PTPRN2: variants seen among roughly 807,000 people sequenced by gnomAD.
PTPRN2 encodes receptor-type tyrosine-protein phosphatase N2.
PTPRN2 carries 74 observed loss-of-function variants against 118.8 expected under a neutral mutation model. The observed-to-expected ratio is 0.62, with a 90% CI of 0.52 to 0.76. The LOEUF is 0.76. PTPRN2 is among the 30% of genes least tolerant of loss of function. PTPRN2 has a pLI of 0.00. For synonymous variants in PTPRN2, 641 were observed against 608.0 expected (o/e 1.05, Z -0.80); for missense variants, 1,481 against 1,394.4 (o/e 1.06, Z -0.99).
chr7:158,208,240 A>T (rs920389524), intron 3 of PTPRN2, among the ~76,000 whole-genome samples: 1 of 152,210 alleles, frequency 6.6e-6, no homozygotes, highest in Non-Finnish European at 1.5e-5. Flanking sequence ...AGTTGAAAGG[A>T]TAATAATGAG....
chr7:157,771,266 A>G (rs979516861), intron 12 of PTPRN2, among the ~76,000 whole-genome samples: 1 of 152,250 alleles, frequency 6.6e-6, no homozygotes, highest in Non-Finnish European at 1.5e-5. Context: ...TGGAGCAGAA[A>G]CAAGACTTCC....
chr7:158,002,991 G>A (rs891964469), intron 11 of PTPRN2, among the ~76,000 whole-genome samples: 2 of 152,196 alleles, frequency 1.3e-5, no homozygotes, highest in Non-Finnish European at 2.9e-5. Context: ...GGATCCAGGG[G>A]AGGAGGAAAG....
intron 1 of PTPRN2, among the ~76,000 whole-genome samples, chr7:158,559,144 C>T (rs553031462): frequency 1.3e-5 from 2 of 152,284 alleles, no homozygotes; most frequent in Admixed American, 1.3e-4. Context: ...GGAGGAGATT[C>T]TTCTCTCATG....
chr7:157,756,976 G>A (rs1801818749), intron 12 of PTPRN2, among the ~76,000 whole-genome samples: 1 of 152,272 alleles, frequency 6.6e-6, no homozygotes. Flanking sequence ...GCAGGGCCAC[G>A]CGTGAGGGAC....
chr7:158,501,595 G>A (rs1251596827), intron 1 of PTPRN2, among the ~76,000 whole-genome samples: 1 of 152,176 alleles, frequency 6.6e-6, no homozygotes, highest in Non-Finnish European at 1.5e-5. Flanking sequence ...GTCGCAGGGG[G>A]GGACCTCCTG....
At chr7:158,363,337 G>T (rs1197762647) in intron 2 of PTPRN2, among the ~76,000 whole-genome samples, 13 of 152,144 alleles carry the variant, frequency 8.5e-5, no homozygotes. Context: ...AGGATGCTCG[G>T]TTGCTTGGGG....
rs963220008 is a variant in PTPRN2, at chr7:158,406,896, A to C, written c.163+82839T>G. On this transcript the variant is annotated intron_variant, in intron 2 of 22. Transcript: ENST00000389418. Reference sequence around the variant, plus strand: ...GCAGGCACTCCAGGCAAATTGCTTTATCTCTCAACATGGAATCAGGAAAAT... The same window carrying C: ...GCAGGCACTCCAGGCAAATTGCTTTCTCTCTCAACATGGAATCAGGAAAAT... Among the ~76,000 whole-genome samples, 2 of 152,208 alleles carry C rather than the reference A, an allele frequency of 1.3e-5. 1 individual carries two copies. Among genetic ancestry groups the C allele is most frequent in the South Asian group, 4.1e-4 (2 of 4,834 alleles).
At chr7:158,318,416 G>A (rs1432942476) in intron 2 of PTPRN2, among the ~76,000 whole-genome samples, 2 of 152,186 alleles carry the variant, frequency 1.3e-5, no homozygotes, top group East Asian at 1.9e-4. Flanking sequence ...CCCAGCTCCC[G>A]TGCTCACAAT....
At chr7:157,776,004 G>T (rs1803190207) in intron 12 of PTPRN2, among the ~76,000 whole-genome samples, 1 of 151,922 alleles carries the variant, frequency 6.6e-6, no homozygotes, top group African/African-American at 2.4e-5. Context: ...AGCCAGCTGT[G>T]TACTCGGAGG....
At chr7:158,083,284 C>T (rs1418274516) in intron 10 of PTPRN2, among the ~76,000 whole-genome samples, 2 of 152,174 alleles carry the variant, frequency 1.3e-5, no homozygotes, top group Admixed American at 6.5e-5. Flanking sequence ...ACCGGTTCAA[C>T]ATTTTGGTTG....
intron 12 of PTPRN2, among the ~76,000 whole-genome samples, chr7:157,824,333 G>A (rs536961820): frequency 2.6e-5 from 4 of 152,236 alleles, no homozygotes; most frequent in Admixed American, 2.6e-4. Flanking sequence ...AGAACCACAA[G>A]AGGGCCTTCC....
chr7:158,409,489 T>C (rs1012414130), intron 2 of PTPRN2, among the ~76,000 whole-genome samples: 14 of 152,028 alleles, frequency 9.2e-5, no homozygotes, highest in Admixed American at 3.3e-4. Flanking sequence ...TGCTAACAGA[T>C]AGAGTCAGGT....
At chr7:158,186,519 C>T (rs1055377573) in intron 5 of PTPRN2, among the ~76,000 whole-genome samples, 6 of 152,214 alleles carry the variant, frequency 3.9e-5, no homozygotes, top group African/African-American at 1.4e-4. Flanking sequence ...CCTACCCCCT[C>T]TGGCATGAGT....
At chr7:158,109,735 G>C (rs568211264) in intron 10 of PTPRN2, among the ~76,000 whole-genome samples, 1 of 152,158 alleles carries the variant, frequency 6.6e-6, no homozygotes, top group African/African-American at 2.4e-5. Flanking sequence ...TGTGTGATGA[G>C]TCACTGAGTG....
rs554404939 is a variant in PTPRN2 at position 157,983,889 on chromosome 7, G to C, written c.1724-85152C>G. 2.6e-5 allele frequency among the ~76,000 whole-genome samples: 4 copies of C among 152,284 alleles called. No homozygotes were observed. The South Asian group carries it at 8.3e-4, about 32-fold the overall frequency. The stretch of plus-strand genomic sequence containing the variant: ...AACAGCGCTAGTGTCCTGGTGCCTG[G>C]ACACACGGATGTTCTGGGGCTGTTG... On this transcript the variant is annotated intron_variant, in intron 11 of 22. Transcript: ENST00000389418.
Position 158,167,282 on chromosome 7 carries a change from G to A in PTPRN2, c.559C>T (p.Arg187Cys), listed in dbSNP as rs749287887. The change falls in exon 6 of 23, where the codon CGC (arginine) becomes TGC (cysteine). Residue 187 changes from arginine to cysteine, a missense_variant. Coordinates refer to ENST00000389418, the MANE Select transcript of PTPRN2 (RefSeq NM_002847.5). ...QDRPPAEGDD[R>C]FSESILTYVA... is the part of the protein sequence containing the mutation. The stretch of plus-strand genomic sequence containing the variant: ...TAGGTCAGGATGCTCTCGGAGAAGC[G>A]GTCATCACCCTGAAGGAAAGGAGAG... The A allele has an allele frequency of 8.1e-6, 13 of 1,597,872 alleles. No homozygotes were observed. Among genetic ancestry groups the A allele is most frequent in the East Asian group, 2.2e-5 (1 of 44,642 alleles).
chr7:157,827,086 C>T (rs1258166249), intron 12 of PTPRN2, among the ~76,000 whole-genome samples: 1 of 152,150 alleles, frequency 6.6e-6, no homozygotes, highest in Non-Finnish European at 1.5e-5. Flanking sequence ...CACTGCCAGA[C>T]ATCTGAAGTT....
At chr7:158,368,637 G>A (rs556564267) in intron 2 of PTPRN2, among the ~76,000 whole-genome samples, 13 of 152,296 alleles carry the variant, frequency 8.5e-5, no homozygotes, top group Admixed American at 1.3e-4. Flanking sequence ...GCACAGGGAC[G>A]TCCAAGGACC....
intron 13 of PTPRN2, among the ~76,000 whole-genome samples, chr7:157,664,806 T>C (rs1221711960): frequency 6.6e-6 from 1 of 152,200 alleles, no homozygotes; most frequent in Non-Finnish European, 1.5e-5. Flanking sequence ...AGCATTTTAT[T>C]TGAGCAAAAG....
Sources: allele counts gnomAD v4.1 joint callset (sites outside exome capture counted in the v4.1 genomes callset), GRCh38; gene constraint gnomAD v4.1.1; transcripts MANE v1.5; gene names NCBI Gene and HGNC (gene_info 2026-07-23, HGNC 2026-07-21).